The following PDE7A variants were observed in gnomAD, a reference collection of about 807,000 sequenced individuals.
The protein encoded by PDE7A is high affinity 3',5'-cyclic-AMP phosphodiesterase 7A.
In PDE7A, 39 loss-of-function variants were observed where a neutral mutation model predicts 64.3. The ratio of observed to expected loss-of-function variants is 0.61; its 90% CI spans 0.47 to 0.79. The LOEUF is 0.79. PDE7A is among the 30% of genes least tolerant of loss of function. The pLI, the probability that PDE7A is intolerant of heterozygous loss-of-function variation, is 0.00. For synonymous variants in PDE7A, 203 were observed against 206.8 expected, an observed-to-expected ratio of 0.98 and a Z score of 0.16; for missense variants, 470 against 582.8, an observed-to-expected ratio of 0.81 and a Z score of 1.99.
At chr8:65,769,247 C>CAAAAAAAAAAAAAAAAAAAAAAAAAA (rs61554087) in intron 3 of PDE7A, among the ~76,000 whole-genome samples, 1 of 74,456 alleles carries the variant, frequency 1.3e-5, no homozygotes. Flanking sequence ...GACTCAGTCT[C>CAAAAAAAAAAAAAAAAAAAAAAAAAA]AAAAAAAAAA....
chr8:65,766,716 T>C (rs1051211493), intron 3 of PDE7A, among the ~76,000 whole-genome samples: 1 of 152,230 alleles, frequency 6.6e-6, no homozygotes, highest in African/African-American at 2.4e-5. Context: ...CCATTGCTCA[T>C]TGTTATTAAG....
intron 3 of PDE7A, among the ~76,000 whole-genome samples, chr8:65,751,441 TTTATC>T (rs1807949823): frequency 6.6e-6 from 1 of 152,110 alleles, no homozygotes; most frequent in African/African-American, 2.4e-5. Flanking sequence ...AATGGTAACT[TTTATC>T]TTAAAGTTTC....
At chr8:65,795,316 C>G (rs1416930857) in intron 1 of PDE7A, among the ~76,000 whole-genome samples, 1 of 152,142 alleles carries the variant, frequency 6.6e-6, no homozygotes, top group African/African-American at 2.4e-5. Context: ...CAGAGCACAG[C>G]GGTCTCACAA....
chr8:65,725,991 A>G (rs994077388), intron 9 of PDE7A, among the ~76,000 whole-genome samples: 13 of 152,220 alleles, frequency 8.5e-5, no homozygotes, highest in African/African-American at 3.1e-4. Flanking sequence ...AAAGATTTAA[A>G]AAAATAAAAA....
intron 1 of PDE7A, among the ~76,000 whole-genome samples, chr8:65,821,871 C>G (rs1810549754): frequency 6.6e-6 from 1 of 152,134 alleles, no homozygotes; most frequent in Non-Finnish European, 1.5e-5. Flanking sequence ...TTTCATTTTA[C>G]TTTTTAAAAT....
chr8:65,833,400 C>G (rs1226159995), intron 1 of PDE7A, among the ~76,000 whole-genome samples: 1 of 152,172 alleles, frequency 6.6e-6, no homozygotes, highest in Admixed American at 6.5e-5. Flanking sequence ...CTTCAAATAA[C>G]TACATCAAAT....
chr8:65,738,654 A>G (rs142412916), intron 6 of PDE7A, among the ~76,000 whole-genome samples: 14 of 152,252 alleles, frequency 9.2e-5, no homozygotes, highest in Admixed American at 2.0e-4. Flanking sequence ...GCTGGTCTCC[A>G]ACTCGTGGCC....
chr8:65,779,943 G>T, intron 2 of PDE7A, 140 bp from the exon 3 acceptor site: 1 of 439,674 alleles, frequency 2.3e-6, no homozygotes. Context: ...GTAGTTAAGA[G>T]CTGATTTATT....
chr8:65,724,332 T>C lies in PDE7A; in HGVS notation c.1085A>G (p.Asp362Gly), dbSNP rs753483246. The C allele has an allele frequency of 6.2e-7, 1 of 1,612,220 alleles. No homozygotes were observed. Reference protein sequence around the residue: ...LVLQMALKCADICNPCRTWEL... With the variant: ...LVLQMALKCAGICNPCRTWEL... ...CCACGTCCGACATGGGTTACAAATA[T>C]CAGCACATTTCAAAGCCATCTAGCA... Residue 362 changes from aspartate (D) to glycine (G), a missense_variant, in exon 11 of 13, where the codon GAT (aspartate) becomes GGT (glycine). By Grantham distance (94) the Asp-to-Gly change is moderately conservative. Coordinates refer to ENST00000401827, the MANE Select transcript of PDE7A (RefSeq NM_001242318.3).
chr8:65,800,937 C>A (rs1020287946), intron 1 of PDE7A, among the ~76,000 whole-genome samples: 5 of 152,166 alleles, frequency 3.3e-5, no homozygotes. Context: ...CAGCTAACAT[C>A]AAAAATTCTT....
chr8:65,724,136 T>TA, intron 11 of PDE7A, 119 bp downstream of exon 11: 1 of 610,474 alleles, frequency 1.6e-6, no homozygotes, highest in South Asian at 2.0e-5. Context: ...TGTGAATTGT[T>TA]ACTAAAAATG....
At chr8:65,823,503 A>G (rs1351170516) in intron 1 of PDE7A, among the ~76,000 whole-genome samples, 1 of 152,198 alleles carries the variant, frequency 6.6e-6, no homozygotes, top group Admixed American at 6.5e-5. Context: ...TCTTACTATA[A>G]CATCACAAAA....
chr8:65,753,867 A>G (rs1808086783), intron 3 of PDE7A, among the ~76,000 whole-genome samples: 1 of 151,520 alleles, frequency 6.6e-6, no homozygotes, highest in African/African-American at 2.4e-5. Flanking sequence ...TCAACATACA[A>G]TGCCTTTTAT....
At chr8:65,807,710 T>C (rs1810144083) in intron 1 of PDE7A, among the ~76,000 whole-genome samples, 1 of 152,222 alleles carries the variant, frequency 6.6e-6, no homozygotes, top group Non-Finnish European at 1.5e-5. Flanking sequence ...CTTCTATTCC[T>C]AGTTTTCTGG....
At chr8:65,776,917 T>C (rs1164420665) in intron 3 of PDE7A, among the ~76,000 whole-genome samples, 2 of 152,184 alleles carry the variant, frequency 1.3e-5, no homozygotes, top group East Asian at 3.8e-4. Context: ...ATGAAAGATA[T>C]TCTTGATTTC....
chr8:65,726,997 A>G (rs1348505323), intron 8 of PDE7A, 31 bp from the exon 9 acceptor site: 1 of 1,223,362 alleles, frequency 8.2e-7, no homozygotes, highest in South Asian at 1.2e-5. Context: ...GAGTTACTTA[A>G]TGATACGTCT....
At chr8:65,826,838 G>C (rs1810687482) in intron 1 of PDE7A, among the ~76,000 whole-genome samples, 1 of 152,128 alleles carries the variant, frequency 6.6e-6, no homozygotes, top group Non-Finnish European at 1.5e-5. Context: ...CCCTTTGAAG[G>C]CTTTAGAGGA....
At chr8:65,821,481 A>G (rs1810540625) in intron 1 of PDE7A, among the ~76,000 whole-genome samples, 1 of 152,272 alleles carries the variant, frequency 6.6e-6, no homozygotes, top group African/African-American at 2.4e-5. Context: ...CTCTAAAAAT[A>G]TAGCCAATTT....
intron 3 of PDE7A, among the ~76,000 whole-genome samples, chr8:65,771,884 CAAAAAAAAAA>C (rs36101490): frequency 3.6e-5 from 2 of 55,830 alleles, no homozygotes; most frequent in African/African-American, 5.5e-5. Context: ...CTCCATCTCT[CAAAAAAAAAA>C]AAAAAAAAAA....
Sources: allele counts gnomAD v4.1 joint callset (sites outside exome capture counted in the v4.1 genomes callset), GRCh38; gene constraint gnomAD v4.1.1; transcripts MANE v1.5; gene names NCBI Gene and HGNC (gene_info 2026-07-23, HGNC 2026-07-21).